The following AJUBA variants were observed in gnomAD, a reference collection of about 807,000 sequenced individuals.
AJUBA encodes ajuba LIM protein, also known as LIM domain-containing protein ajuba.
A neutral mutation model predicts 53.3 loss-of-function variants in AJUBA; 20 were observed. That is an observed-to-expected ratio of 0.38 (90% CI 0.26 to 0.55). The LOEUF is 0.55. AJUBA is among the 20% of genes least tolerant of loss of function. The pLI is 0.80. For synonymous variants in AJUBA, 296 were observed against 306.2 expected (o/e 0.97, Z 0.35); for missense variants, 580 against 730.5 (o/e 0.79, Z 2.38).
At position 22,982,548 on chromosome 14, in the gene AJUBA, G is replaced by T; in HGVS notation, c.-282C>A. ...TATCTGTTCACGCGTCGACTCGCCC[G>T]ACTGCCCCACTCTCCCCGGCCCCCG... On this transcript the variant is annotated 5_prime_UTR_variant, in exon 1 of 8. Coordinates refer to ENST00000262713, the MANE Select transcript of AJUBA (RefSeq NM_032876.6). The T allele has an allele frequency of 3.0e-6, 4 of 1,317,682 alleles. No individual in the cohort carries two copies. The highest frequency in any genetic ancestry group is 3.9e-6 in the Non-Finnish European group (4 of 1,034,872). 81.6% of individuals were successfully genotyped at this position (1,317,682 alleles called of 1,614,324 possible).
rs1489592745 is a variant in AJUBA, at chr14:22,976,627, C to G, written c.1176+18G>C. 1.9e-6 allele frequency: 3 copies of G among 1,613,658 alleles called. No homozygotes were observed. Among genetic ancestry groups the G allele is most frequent in the Non-Finnish European group, 1.7e-6 (2 of 1,179,812 alleles). On this transcript the variant is annotated intron_variant, in intron 3 of 7. Transcript: ENST00000262713. ...TCAGTATGGAAACCAATTCCAGGTC[C>G]AGGTGACCCTTACTCACCAGATAAT...
Position 22,979,127 on chromosome 14 carries a change from C to T in AJUBA, c.1007-682G>A. The T allele has an allele frequency of 8.0e-7, 1 of 1,249,366 alleles. No homozygotes were observed. Among genetic ancestry groups the T allele is most frequent in the East Asian group, 5.7e-5 (1 of 17,674 alleles). 77.4% of individuals were successfully genotyped at this position (1,249,366 alleles called of 1,614,324 possible). ...GGGAGAGTAGCAGAGCCCCTGATGC[C>T]TCCTAGTCACCTTCTATCATGGGAA... On this transcript the variant is annotated intron_variant, in intron 1 of 7. Coordinates refer to ENST00000262713, the MANE Select transcript of AJUBA (RefSeq NM_032876.6). The surrounding 1 kb of genome is among the most constrained non-coding windows in gnomAD (Gnocchi z 4.0).
chr14:22,973,826 A>G (rs1039050256), intron 7 of AJUBA, among the ~76,000 whole-genome samples: 1 of 152,216 alleles, frequency 6.6e-6, no homozygotes, highest in African/African-American at 2.4e-5. Context: ...CTAGTCTTAG[A>G]AAGTCCTGAC....
At chr14:22,975,192 T>A in intron 4 of AJUBA, 88 bp from the exon 5 acceptor site, 2 of 1,512,080 alleles carry the variant, frequency 1.3e-6, no homozygotes, top group Non-Finnish European at 1.8e-6. Context: ...CCCATTAACC[T>A]CATCCAACCC....
At position 22,981,594 on chromosome 14, in the gene AJUBA, G is replaced by C. The variant is rs751040044; in HGVS notation, c.673C>G (p.Gln225Glu). The change falls in exon 1 of 8, where the codon CAG becomes GAG. Residue 225 changes from glutamine to glutamate, a missense_variant. By Grantham distance (29) the Gln-to-Glu change is conservative. This residue lies in a region of AJUBA where 430 missense variants were observed against 471.5 expected (regional missense o/e 0.91). Coordinates refer to ENST00000262713, the MANE Select transcript of AJUBA (RefSeq NM_032876.6). The part of the protein sequence containing the change: ...YAQRPAGFGC[Q>E]ESRHSYPPAL... Reference sequence around the variant, plus strand: ...GGGGGATACGAGTGGCGGCTTTCCTGGCAGCCGAACCCCGCGGGCCGCTGA... The same window carrying C: ...GGGGGATACGAGTGGCGGCTTTCCTCGCAGCCGAACCCCGCGGGCCGCTGA... 6 of 1,547,246 alleles carry C rather than the reference G, an allele frequency of 3.9e-6. No individual in the cohort carries two copies. The South Asian group carries it at 7.1e-5, about 18-fold the overall frequency.
chr14:22,975,375 C>T lies in AJUBA; in HGVS notation c.1240-271G>A, dbSNP rs575876376. Reference sequence around the variant, plus strand: ...AAAACATCAATGCTTTGGCCCTCCTCCAGGCCTATTATCACAATCTGTGGT... The same window carrying T: ...AAAACATCAATGCTTTGGCCCTCCTTCAGGCCTATTATCACAATCTGTGGT... On this transcript the variant is annotated intron_variant, in intron 4 of 7. Transcript: ENST00000262713. The T allele has an allele frequency of 1.0e-5, 4 of 399,484 alleles. No homozygotes were observed. In the South Asian group the frequency reaches 1.3e-4, roughly 13 times the overall value. 24.7% of individuals were successfully genotyped at this position (399,484 alleles called of 1,614,324 possible). A position where few individuals can be genotyped will look rare whatever the true frequency, so the allele number is the denominator to read the frequency against.
intron 2 of AJUBA, 98 bp downstream of exon 2, chr14:22,978,246 A>C (rs2045055828): frequency 8.4e-7 from 1 of 1,183,784 alleles, no homozygotes; most frequent in Admixed American, 1.9e-5. Flanking sequence ...TCTGTGAGCA[A>C]ATGAAGAGGC....
Position 22,978,671 on chromosome 14 carries a change from T to C in AJUBA, c.1007-226A>G, listed in dbSNP as rs1458149549. 5.2e-5 allele frequency: 68 copies of C among 1,312,070 alleles called. No individual in the cohort carries two copies. In the Middle Eastern group the frequency reaches 1.5e-3, roughly 28 times the overall value. The allele number at this position is 1,312,070 out of a possible 1,614,324, so 81.3% of individuals were successfully genotyped here. A position where few individuals can be genotyped will look rare whatever the true frequency, so the allele number is the denominator to read the frequency against. On this transcript the variant is annotated intron_variant, in intron 1 of 7. Transcript: ENST00000262713. ...ACAGATATTTTCTGAGCATCTGTTT[T>C]GTGCTTAACACAGCACCACTACCTA...
rs1285610066 is a variant in AJUBA at position 22,973,462 on chromosome 14, G to T, written c.1598C>A (p.Pro533His). 1 of 1,612,446 alleles carries T rather than the reference G, an allele frequency of 6.2e-7. No homozygotes were observed. The highest frequency in any genetic ancestry group is 8.5e-7 in the Non-Finnish European group (1 of 1,179,242). ...TGCAGCTCAGATATAGTTGGCAGGG[G>T]GTTGTCGGGCATTGAGCCGCTGCAT... The part of the protein sequence containing the change: ...CHMQRLNARQ[P>H]PANYI The change falls in exon 8 of 8, where the codon CCC becomes CAC. Residue 533 changes from proline to histidine, a missense_variant. Physicochemically the swap from Pro to His is moderately conservative, Grantham distance 77. This residue lies in a region of AJUBA where 150 missense variants were observed against 259.0 expected (regional missense o/e 0.58). Transcript: ENST00000262713.
At chr14:22,978,725 G>C in intron 1 of AJUBA, 1 of 1,238,582 alleles carries the variant, frequency 8.1e-7, no homozygotes, top group East Asian at 4.5e-5. Flanking sequence ...CGAAGATATG[G>C]TCCCTGGCAT....
At chr14:22,980,749 G>C (rs1379264134) in intron 1 of AJUBA, 26 of 945,092 alleles carry the variant, frequency 2.8e-5, no homozygotes, top group Non-Finnish European at 3.1e-5. Flanking sequence ...TCCGCCGCGC[G>C]GCGGCAGCCG....
chr14:22,982,117 T>C lies in AJUBA; in HGVS notation c.150A>G (p.Arg50=). The C allele has an allele frequency of 1.2e-6, 2 of 1,601,900 alleles. No individual in the cohort carries two copies. Among genetic ancestry groups the C allele is most frequent in the Non-Finnish European group, 1.7e-6 (2 of 1,175,170 alleles). The change falls in exon 1 of 8, where the codon CGA becomes CGG. Residue 50 remains arginine, a synonymous_variant. Coordinates refer to ENST00000262713, the MANE Select transcript of AJUBA (RefSeq NM_032876.6). ...GLGGPRKSGP[R]GATGGPGDEP... ...CATCCCCAGGTCCCCCAGTAGCTCC[T>C]CGGGGCCCTGACTTCCTAGGTCCCC...
chr14:22,982,270 C>G lies in AJUBA; in HGVS notation c.-4G>C, dbSNP rs2045110317. 2 of 1,613,148 alleles carry G rather than the reference C, an allele frequency of 1.2e-6. No homozygotes were observed. Among genetic ancestry groups the G allele is most frequent in the Non-Finnish European group, 1.7e-6 (2 of 1,179,716 alleles). Reference sequence around the variant, plus strand: ...CTTTCTCTCCTAACCGCTCCATGCCCTCGGGCCTGGGGCCTCTCGCCCCCT... The same window carrying G: ...CTTTCTCTCCTAACCGCTCCATGCCGTCGGGCCTGGGGCCTCTCGCCCCCT... On this transcript the variant is annotated 5_prime_UTR_variant, in exon 1 of 8. Coordinates refer to ENST00000262713, the MANE Select transcript of AJUBA (RefSeq NM_032876.6).
rs775431154 is a variant in AJUBA at position 22,982,218 on chromosome 14, G to A, written c.49C>T (p.Arg17Cys). The stretch of plus-strand genomic sequence containing the variant: ...GACCGGCTAGATTCACCCTTTCTGC[G>A]GCCGAACTTCTCCAGCAGGCGACTG... ...KASRLLEKFG[R>C]RKGESSRSGS... The change falls in exon 1 of 8, where the codon CGC (arginine) becomes TGC (cysteine). Residue 17 changes from arginine to cysteine, a missense_variant. By Grantham distance (180) the Arg-to-Cys change is radical. This residue lies in a region of AJUBA where 430 missense variants were observed against 471.5 expected (regional missense o/e 0.91). Coordinates refer to ENST00000262713, the MANE Select transcript of AJUBA (RefSeq NM_032876.6). 31 of 1,613,938 alleles carry A rather than the reference G, an allele frequency of 1.9e-5. No homozygotes were observed. In the South Asian group the frequency reaches 3.2e-4, roughly 17 times the overall value.
chr14:22,973,319 G>A lies in AJUBA; in HGVS notation c.*124C>T. ...GATCTTTGGGTCTCCGGCCCTTGGG[G>A]TCCTCCCCAGAGGACTCTTCTGCCA... On this transcript the variant is annotated 3_prime_UTR_variant, in exon 8 of 8. Transcript: ENST00000262713. 2.2e-6 allele frequency: 3 copies of A among 1,381,586 alleles called. No individual in the cohort carries two copies. The highest frequency in any genetic ancestry group is 2.9e-6 in the Non-Finnish European group (3 of 1,024,734). The allele number at this position is 1,381,586 out of a possible 1,614,324, so 85.6% of individuals were successfully genotyped here.
In AJUBA at chr14:22,979,391, CA is replaced by C. The variant is rs1291752627; in HGVS notation, c.1007-947del. On this transcript the variant is annotated intron_variant, in intron 1 of 7. Coordinates refer to ENST00000262713, the MANE Select transcript of AJUBA (RefSeq NM_032876.6). The surrounding 1 kb of genome is among the most constrained non-coding windows in gnomAD (Gnocchi z 4.0). Reference sequence around the variant, plus strand: ...GTTGGGGCCCATCCCAGTCTTTGCCCAGGGGCTTGGGAGCCTGTGCAGCAGC... The same window carrying C: ...GTTGGGGCCCATCCCAGTCTTTGCCCGGGGCTTGGGAGCCTGTGCAGCAGC... 2.0e-5 allele frequency among the ~76,000 whole-genome samples: 3 copies of C among 152,222 alleles called. No individual in the cohort carries two copies. The highest frequency in any genetic ancestry group is 6.5e-5 in the Admixed American group (1 of 15,288).
At position 22,973,262 on chromosome 14, in the gene AJUBA, G is replaced by T; in HGVS notation, c.*181C>A. ...TCGCCCCCACCCTGGTAAATATAAG[G>T]TTTCTCTTCCACAATCCATTTGGAA... On this transcript the variant is annotated 3_prime_UTR_variant, in exon 8 of 8. Coordinates refer to ENST00000262713, the MANE Select transcript of AJUBA (RefSeq NM_032876.6). 1 of 964,956 alleles carries T rather than the reference G, an allele frequency of 1.0e-6. No individual in the cohort carries two copies. 59.8% of individuals were successfully genotyped at this position (964,956 alleles called of 1,614,324 possible).
rs2045037827 is a variant in AJUBA, at chr14:22,976,506, G to A, written c.1189C>T (p.Gln397Ter). Residue 397 changes from glutamine to a stop codon, truncating the protein, a stop_gained, in exon 4 of 8, where the codon CAG becomes TAG. Transcript: ENST00000262713. LOFTEE classifies it high-confidence loss of function. ...ACACAGCATTTCTCAGCTGCCTCCT[G>A]AAACCCTGAAAACTAAAGTAAAAGA... ...CEEDYLFSGF[Q>*]EAAEKCCVCG... 6.2e-7 allele frequency: 1 copy of A among 1,614,088 alleles called. No homozygotes were observed. Among genetic ancestry groups the A allele is most frequent in the African/African-American group, 1.3e-5 (1 of 75,040 alleles).
At position 22,982,053 on chromosome 14, in the gene AJUBA, C is replaced by A. The variant is rs1176745063; in HGVS notation, c.214G>T (p.Ala72Ser). 1 of 1,592,248 alleles carries A rather than the reference C, an allele frequency of 6.3e-7. No individual in the cohort carries two copies. ...EPAREQGSLD[A>S]ERNQRGSFEA... ...AAGGAGCCGCGCTGATTTCGCTCAGCGTCCAGGGAACCTTGCTCCCGGGCC... is the reference window on the plus strand; with the variant it reads ...AAGGAGCCGCGCTGATTTCGCTCAGAGTCCAGGGAACCTTGCTCCCGGGCC... The change falls in exon 1 of 8, where the codon GCT becomes TCT. Residue 72 changes from alanine (A) to serine (S), a missense_variant. By Grantham distance (99) the Ala-to-Ser change is moderately conservative (BLOSUM62 1). Around this residue, in one of 2 missense-constraint regions of AJUBA, gnomAD observed 430 missense variants for 471.5 expected, o/e 0.91. Transcript: ENST00000262713.
Sources: gnomAD v4.1 joint callset for allele counts (sites outside exome capture counted in the v4.1 genomes callset) on GRCh38, gnomAD v4.1.1 for gene constraint, gnomAD v4.1.1 regional missense constraint, Gnocchi (gnomAD v3.1) non-coding constraint, MANE v1.5 for transcripts, NCBI Gene and HGNC (gene_info 2026-07-23, HGNC 2026-07-21) for gene names.